The following VTI1A variants were observed in gnomAD, a reference collection of about 807,000 sequenced individuals.
VTI1A encodes vesicle transport through interaction with t-SNAREs homolog 1A.
In VTI1A, 22 loss-of-function variants were observed where a neutral mutation model predicts 34.9. The ratio of observed to expected loss-of-function variants is 0.63; its 90% CI spans 0.45 to 0.90. The LOEUF (loss-of-function observed/expected upper bound fraction) is 0.90, where lower values mean the gene tolerates loss of function less well. Ranked by LOEUF, VTI1A falls within the 40% of genes least tolerant of loss-of-function variation. The pLI is 0.00. For synonymous variants in VTI1A, 87 were observed against 97.3 expected, an observed-to-expected ratio of 0.89 and a Z score of 0.62; for missense variants, 268 against 275.6, an observed-to-expected ratio of 0.97 and a Z score of 0.20.
At chr10:112,467,089 G>T (rs1847922009) in intron 3 of VTI1A, among the ~76,000 whole-genome samples, 1 of 152,128 alleles carries the variant, frequency 6.6e-6, no homozygotes, top group Non-Finnish European at 1.5e-5. Flanking sequence ...TTCAGCATAT[G>T]AATTTAGAAG....
At chr10:112,792,976 G>A (rs989838655) in intron 7 of VTI1A, among the ~76,000 whole-genome samples, 2 of 152,166 alleles carry the variant, frequency 1.3e-5, no homozygotes, top group South Asian at 4.1e-4. Flanking sequence ...TGACTCAAAA[G>A]CCTGTGATGC....
Position 112,727,436 on chromosome 10 carries a change from AT to A in VTI1A, c.560+58446del, listed in dbSNP as rs984605138. Among the ~76,000 whole-genome samples, 759 of 138,864 alleles carry A rather than the reference AT, an allele frequency of 5.5e-3. 2 individuals are homozygous for A. Among genetic ancestry groups the A allele is most frequent in the African/African-American group, 0.021 (713 of 33,360 alleles). The allele number at this position is 138,864 out of a possible 152,430, so 91.1% of individuals were successfully genotyped here. A position where few individuals can be genotyped will look rare whatever the true frequency, so the allele number is the denominator to read the frequency against. ...ATGATACCCTGCAGGGAAAAAAAAA[AT>A]TTTTTTTATAATTCCTAGGAAGTTG... is the stretch of plus-strand genomic sequence containing the variant. On this transcript the variant is annotated intron_variant, in intron 7 of 7. Coordinates refer to ENST00000393077, the MANE Select transcript of VTI1A (RefSeq NM_145206.4).
At chr10:112,836,445 T>C in the VTI1A span, among the ~76,000 whole-genome samples, 1 of 152,194 alleles carries the variant, frequency 6.6e-6, no homozygotes, top group Non-Finnish European at 1.5e-5. Flanking sequence ...AACAGCAGTT[T>C]CCTGATTCTC....
intron 5 of VTI1A, among the ~76,000 whole-genome samples, chr10:112,596,644 C>A (rs576728994): frequency 7.2e-5 from 11 of 152,032 alleles, no homozygotes; most frequent in Non-Finnish European, 1.5e-4. Context: ...AAAACACTAC[C>A]ATAGTTTAAT....
intron 5 of VTI1A, among the ~76,000 whole-genome samples, chr10:112,593,885 C>T (rs957000462): frequency 2.7e-5 from 4 of 147,684 alleles, no homozygotes; most frequent in South Asian, 2.2e-4. Context: ...TACAGGTGCC[C>T]GCCACCACGC....
chr10:112,731,575 CAAA>C (rs34452346), intron 7 of VTI1A, among the ~76,000 whole-genome samples: 2 of 116,926 alleles, frequency 1.7e-5, no homozygotes, highest in Admixed American at 9.0e-5. Flanking sequence ...AACTCCATCT[CAAA>C]AAAAAAAAAA....
intron 5 of VTI1A, among the ~76,000 whole-genome samples, chr10:112,581,971 T>C (rs1053579827): frequency 6.6e-6 from 1 of 152,238 alleles, no homozygotes; most frequent in Non-Finnish European, 1.5e-5. Context: ...GCAATATCTC[T>C]GACTTACCTC....
At chr10:112,527,651 A>C (rs1850281549) in intron 4 of VTI1A, among the ~76,000 whole-genome samples, 2 of 151,772 alleles carry the variant, frequency 1.3e-5, no homozygotes. Flanking sequence ...AATTGGAAGC[A>C]CCAGTGTGGA....
At chr10:112,623,787 C>T (rs1320650543) in intron 5 of VTI1A, among the ~76,000 whole-genome samples, 1 of 152,184 alleles carries the variant, frequency 6.6e-6, no homozygotes. Context: ...TTTCCAGCTT[C>T]TGATTAACAA....
chr10:112,560,538 AT>A (rs1158282672), intron 5 of VTI1A, among the ~76,000 whole-genome samples: 1 of 150,402 alleles, frequency 6.6e-6, no homozygotes, highest in Non-Finnish European at 1.5e-5. Context: ...CCTGAGAGGC[AT>A]TTTGTTGAAT....
At chr10:112,839,112 C>T in the VTI1A span, among the ~76,000 whole-genome samples, 2 of 152,180 alleles carry the variant, frequency 1.3e-5, no homozygotes, top group Admixed American at 1.3e-4. Flanking sequence ...GGAGCTGGAG[C>T]CTTGTCTCAA....
intron 5 of VTI1A, among the ~76,000 whole-genome samples, chr10:112,602,936 G>A (rs906557733): frequency 5.9e-5 from 9 of 152,194 alleles, no homozygotes; most frequent in African/African-American, 2.2e-4. Context: ...TGCTAAAGCA[G>A]ATGTGCTGCT....
At chr10:112,603,795 A>G (rs1844971480) in intron 5 of VTI1A, among the ~76,000 whole-genome samples, 1 of 151,234 alleles carries the variant, frequency 6.6e-6, no homozygotes, top group African/African-American at 2.4e-5. Flanking sequence ...CCCATCCCCC[A>G]CCCCACCCAA....
chr10:112,789,204 A>C (rs1852385265), intron 7 of VTI1A, among the ~76,000 whole-genome samples: 1 of 151,026 alleles, frequency 6.6e-6, no homozygotes, highest in Non-Finnish European at 1.5e-5. Context: ...GACTTTATTT[A>C]GTATTTCTTG....
chr10:112,591,088 G>A (rs184396442), intron 5 of VTI1A, among the ~76,000 whole-genome samples: 4 of 152,210 alleles, frequency 2.6e-5, no homozygotes, highest in Non-Finnish European at 5.9e-5. Flanking sequence ...TCAACAGAGC[G>A]AGACTCTGTC....
chr10:112,839,415 CA>C, the VTI1A span, among the ~76,000 whole-genome samples: 1 of 152,108 alleles, frequency 6.6e-6, no homozygotes, highest in Non-Finnish European at 1.5e-5. Flanking sequence ...TGGGGAGTTC[CA>C]GGCAGAGGGA....
At chr10:112,792,859 T>C (rs945380882) in intron 7 of VTI1A, among the ~76,000 whole-genome samples, 2 of 152,262 alleles carry the variant, frequency 1.3e-5, no homozygotes, top group Non-Finnish European at 2.9e-5. Flanking sequence ...TTTGCCTGCC[T>C]GTCTGAGAAA....
chr10:112,727,032 ATATGGTCC>A (rs1850055888), intron 7 of VTI1A, among the ~76,000 whole-genome samples: 1 of 152,224 alleles, frequency 6.6e-6, no homozygotes, highest in Non-Finnish European at 1.5e-5. Flanking sequence ...ACATGCAAGC[ATATGGTCC>A]TTGGACTTGT....
intron 7 of VTI1A, among the ~76,000 whole-genome samples, chr10:112,756,578 A>G (rs1257342239): frequency 6.6e-6 from 1 of 152,156 alleles, no homozygotes; most frequent in East Asian, 1.9e-4. Flanking sequence ...AAATTCAGAA[A>G]TACTACATAT....
Sources: allele counts gnomAD v4.1 joint callset (sites outside exome capture counted in the v4.1 genomes callset), GRCh38; gene constraint gnomAD v4.1.1; transcripts MANE v1.5; gene names NCBI Gene and HGNC (gene_info 2026-07-23, HGNC 2026-07-21).